GFOD2: variants seen among roughly 807,000 people sequenced by gnomAD.
GFOD2 encodes the protein glucose-fructose oxidoreductase domain-containing protein 2.
GFOD2 carries 9 observed loss-of-function variants against 24.6 expected under a neutral mutation model. That is an observed-to-expected ratio of 0.37 (90% CI 0.22 to 0.64). GFOD2 has a LOEUF of 0.64. GFOD2 is among the 30% of genes least tolerant of loss of function. The pLI is 0.65. For synonymous variants in GFOD2, 211 were observed against 224.8 expected, an observed-to-expected ratio of 0.94 and a Z score of 0.55; for missense variants, 476 against 532.5, an observed-to-expected ratio of 0.89 and a Z score of 1.04.
intron 2 of GFOD2, chr16:67,684,744 T>C (rs1459240254): frequency 8.2e-6 from 8 of 980,710 alleles, no homozygotes; most frequent in Non-Finnish European, 9.7e-6. Flanking sequence ...TTTGTTTACT[T>C]AGTAAACTAG....
chr16:67,701,622 G>T (rs2053403154), intron 1 of GFOD2, among the ~76,000 whole-genome samples: 3 of 152,140 alleles, frequency 2.0e-5, no homozygotes, highest in Admixed American at 6.5e-5. Flanking sequence ...ACAACAAAGG[G>T]GCACAGGGGA....
chr16:67,676,001 G>C lies in GFOD2; in HGVS notation c.312C>G (p.Phe104Leu). 1 of 1,614,092 alleles carries C rather than the reference G, an allele frequency of 6.2e-7. No individual in the cohort carries two copies. The highest frequency in any genetic ancestry group is 8.5e-7 in the Non-Finnish European group (1 of 1,179,984). Residue 104 changes from phenylalanine to leucine, a missense_variant, in exon 3 of 3, where the codon TTC (phenylalanine) becomes TTG (leucine). Coordinates refer to ENST00000268797, the MANE Select transcript of GFOD2 (RefSeq NM_030819.4). ...AGTAGCGCGAGGCTGTCACCATCCGGAAGGCATCCACCGATGTTGCTGCCT... is the reference window on the plus strand; with the variant it reads ...AGTAGCGCGAGGCTGTCACCATCCGCAAGGCATCCACCGATGTTGCTGCCT... Reference protein sequence around the residue: ...CEKAATSVDAFRMVTASRYYP... With the variant: ...CEKAATSVDALRMVTASRYYP...
intron 1 of GFOD2, among the ~76,000 whole-genome samples, chr16:67,713,623 T>A (rs1355109357): frequency 6.6e-6 from 1 of 152,208 alleles, no homozygotes. Flanking sequence ...TTATATTTAC[T>A]GGTTTATTAT....
At chr16:67,714,187 T>G (rs2053493275) in intron 1 of GFOD2, among the ~76,000 whole-genome samples, 1 of 151,984 alleles carries the variant, frequency 6.6e-6, no homozygotes, top group Admixed American at 6.6e-5. Context: ...GTTAAGAAAT[T>G]ATGGTCCAGA....
intron 1 of GFOD2, among the ~76,000 whole-genome samples, chr16:67,698,285 T>A (rs980804003): frequency 2.6e-5 from 4 of 152,184 alleles, no homozygotes; most frequent in African/African-American, 9.6e-5. Context: ...CACTCCGTCA[T>A]TGCACCTAGG....
chr16:67,713,245 T>C (rs959435572), intron 1 of GFOD2, among the ~76,000 whole-genome samples: 5 of 152,242 alleles, frequency 3.3e-5, no homozygotes, highest in African/African-American at 1.2e-4. Context: ...GGTATGTCAT[T>C]GTGAAAGTGG....
chr16:67,717,813 T>TAGATAGATAGATAGATAGATAGAC (rs2053517937), intron 1 of GFOD2, among the ~76,000 whole-genome samples: 4 of 152,016 alleles, frequency 2.6e-5, no homozygotes, highest in African/African-American at 9.7e-5. Flanking sequence ...GATAGATAGA[T>TAGATAGATAGATAGATAGATAGAC]AGAGAATTAG....
At chr16:67,710,704 T>C (rs1306802826) in intron 1 of GFOD2, among the ~76,000 whole-genome samples, 1 of 152,204 alleles carries the variant, frequency 6.6e-6, no homozygotes, top group Non-Finnish European at 1.5e-5. Flanking sequence ...AGATTTATAA[T>C]GCACTTTGAG....
intron 1 of GFOD2, among the ~76,000 whole-genome samples, chr16:67,700,227 T>C (rs2053391707): frequency 6.6e-6 from 1 of 151,044 alleles, no homozygotes; most frequent in South Asian, 2.1e-4. Context: ...ACAAAAAAAT[T>C]AGCCGGTCAT....
rs749527209 is a variant in GFOD2 at position 67,675,800 on chromosome 16, G to A, written c.513C>T (p.Gly171=). 2.5e-6 allele frequency: 4 copies of A among 1,613,994 alleles called. No individual in the cohort carries two copies. The highest frequency in any genetic ancestry group is 1.3e-5 in the African/African-American group (1 of 74,930). The change falls in exon 3 of 3, where the codon GGC becomes GGT. Residue 171 remains glycine, a synonymous_variant. Transcript: ENST00000268797. The stretch of plus-strand genomic sequence containing the variant: ...TCCCCATGGTGTGCAAGCCCCCGCC[G>A]CCCATGAGCTCATCACAGATCCAGC... ...SYGWICDELM[G]GGGLHTMGTY...
chr16:67,695,740 T>A (rs1208761050), intron 1 of GFOD2, among the ~76,000 whole-genome samples: 1 of 151,862 alleles, frequency 6.6e-6, no homozygotes, highest in Non-Finnish European at 1.5e-5. Flanking sequence ...TTCACTATAT[T>A]GGCCAGGCTG....
At chr16:67,712,921 C>T (rs1181609630) in intron 1 of GFOD2, among the ~76,000 whole-genome samples, 1 of 120,074 alleles carries the variant, frequency 8.3e-6, no homozygotes. Flanking sequence ...ATGTGGGGAG[C>T]ACCTCTGCCC....
At chr16:67,685,016 A>G (rs1204873307) in intron 2 of GFOD2, 4 of 1,070,022 alleles carry the variant, frequency 3.7e-6, no homozygotes, top group Admixed American at 4.7e-5. Flanking sequence ...GTGTGTGCTC[A>G]CTATAGTCAA....
At chr16:67,690,966 G>A (rs931316734) in intron 1 of GFOD2, among the ~76,000 whole-genome samples, 1 of 152,134 alleles carries the variant, frequency 6.6e-6, no homozygotes, top group Non-Finnish European at 1.5e-5. Flanking sequence ...GGGTTCAACC[G>A]ATTCTCATGC....
chr16:67,713,650 G>A (rs1236927053), intron 1 of GFOD2, among the ~76,000 whole-genome samples: 2 of 152,152 alleles, frequency 1.3e-5, no homozygotes, highest in Non-Finnish European at 2.9e-5. Context: ...TATTACAAAG[G>A]ATAGAGATGA....
At position 67,675,705 on chromosome 16, in the gene GFOD2, G is replaced by T. The variant is rs2053179461; in HGVS notation, c.608C>A (p.Thr203Lys). 35 of 1,613,908 alleles carry T rather than the reference G, an allele frequency of 2.2e-5. No homozygotes were observed. The highest frequency in any genetic ancestry group is 2.9e-5 in the Non-Finnish European group (34 of 1,180,058). Residue 203 changes from threonine to lysine, a missense_variant, in exon 3 of 3, where the codon ACA becomes AAA. Thr to Lys is a moderately conservative substitution (Grantham distance 78). Transcript: ENST00000268797. ...GATGGCAGCGTTCTGCCTCACGAAT[G>T]TCTTGAGCAGCCCGTGCACCTTCTC... ...RAEKVHGLLK[T>K]FVRQNAAIRG...
rs144975792 is a variant in GFOD2 at position 67,676,185 on chromosome 16, G to A, written c.260-132C>T. 231 of 862,124 alleles carry A rather than the reference G, an allele frequency of 2.7e-4. No individual in the cohort carries two copies. The East Asian group carries it at 5.9e-3, about 22-fold the overall frequency. The allele number at this position is 862,124 out of a possible 1,614,324, so 53.4% of individuals were successfully genotyped here. ...TAATTTTTTTTTCTTTTTTGTAGAG[G>A]TGGGGTCTTGCTATGCTGCCCAGGC... On this transcript the variant is annotated intron_variant, in intron 2 of 2. Coordinates refer to ENST00000268797, the MANE Select transcript of GFOD2 (RefSeq NM_030819.4).
Position 67,675,171 on chromosome 16 carries a change from T to C in GFOD2, c.1142A>G (p.Gln381Arg). The C allele has an allele frequency of 1.9e-6, 3 of 1,613,066 alleles. No individual in the cohort carries two copies. Among genetic ancestry groups the C allele is most frequent in the Non-Finnish European group, 2.5e-6 (3 of 1,179,412 alleles). ...DTNQNLCEAL[Q>R]RNNL Reference sequence around the variant, plus strand: ...GGTGCAGGCTCATAGGTTGTTCCGCTGAAGTGCCTCACACAGGTTCTGGTT... The same window carrying C: ...GGTGCAGGCTCATAGGTTGTTCCGCCGAAGTGCCTCACACAGGTTCTGGTT... The change falls in exon 3 of 3, where the codon CAG becomes CGG. Residue 381 changes from glutamine to arginine, a missense_variant. Coordinates refer to ENST00000268797, the MANE Select transcript of GFOD2 (RefSeq NM_030819.4).
intron 2 of GFOD2, chr16:67,681,152 G>A: frequency 1.0e-6 from 1 of 985,468 alleles, no homozygotes; most frequent in South Asian, 4.7e-5. Flanking sequence ...GCTGACCAGG[G>A]AGGGATGTAA....
Sources: allele counts gnomAD v4.1 joint callset (sites outside exome capture counted in the v4.1 genomes callset), GRCh38; gene constraint gnomAD v4.1.1; transcripts MANE v1.5; gene names NCBI Gene and HGNC (gene_info 2026-07-23, HGNC 2026-07-21).